Variants in MAGI2 observed in about 807,000 individuals in gnomAD.
MAGI2 encodes membrane-associated guanylate kinase, WW and PDZ domain-containing protein 2.
In MAGI2, 35 loss-of-function variants were observed where a neutral mutation model predicts 133.3. That is an observed-to-expected ratio of 0.26 (90% CI 0.20 to 0.35). MAGI2 has a LOEUF of 0.35. Among genes scored for constraint, MAGI2 ranks in the 10% least tolerant of loss-of-function variants. The pLI is 1.00. For synonymous variants in MAGI2, 729 were observed against 710.6 expected (o/e 1.03, Z -0.41); for missense variants, 1,636 against 1,863.4 (o/e 0.88, Z 2.25).
chr7:79,255,340 G>C (rs907692706), intron 1 of MAGI2, among the ~76,000 whole-genome samples: 2 of 152,176 alleles, frequency 1.3e-5, no homozygotes, highest in Non-Finnish European at 2.9e-5. Flanking sequence ...CATGGGAGTT[G>C]TCAGCTAGAG....
At chr7:79,316,270 C>T (rs999826136) in intron 1 of MAGI2, among the ~76,000 whole-genome samples, 11 of 151,994 alleles carry the variant, frequency 7.2e-5, no homozygotes, top group African/African-American at 2.7e-4. Context: ...CACCACCACC[C>T]CCCCACTCCA....
chr7:78,923,269 A>G (rs917016625), intron 2 of MAGI2, among the ~76,000 whole-genome samples: 21 of 152,302 alleles, frequency 1.4e-4, no homozygotes, highest in Non-Finnish European at 2.5e-4. Flanking sequence ...GTCCTTGCCC[A>G]TGCCCATGTC....
intron 2 of MAGI2, among the ~76,000 whole-genome samples, chr7:78,954,345 C>G (rs1478344167): frequency 6.6e-6 from 1 of 151,028 alleles, no homozygotes; most frequent in Non-Finnish European, 1.5e-5. Flanking sequence ...TTTTTTTTTC[C>G]TCTGAAGATA....
At chr7:78,482,828 T>C (rs757807812) in intron 6 of MAGI2, among the ~76,000 whole-genome samples, 2 of 151,360 alleles carry the variant, frequency 1.3e-5, no homozygotes, top group African/African-American at 4.9e-5. Context: ...TGAATTTCTA[T>C]TGTGGTCATA....
chr7:78,668,592 A>C (rs1813929794), intron 2 of MAGI2, among the ~76,000 whole-genome samples: 1 of 151,892 alleles, frequency 6.6e-6, no homozygotes, highest in Non-Finnish European at 1.5e-5. Context: ...GAAGGGATCC[A>C]GTTTCAGCTT....
intron 1 of MAGI2, among the ~76,000 whole-genome samples, chr7:79,147,397 G>A (rs1237734906): frequency 6.6e-6 from 1 of 152,132 alleles, no homozygotes; most frequent in African/African-American, 2.4e-5. Context: ...CCACCCTTGG[G>A]CCGTAGTGGA....
chr7:78,060,244 A>ACCC (rs546547396), intron 21 of MAGI2, among the ~76,000 whole-genome samples: 2 of 102,140 alleles, frequency 2.0e-5, no homozygotes, highest in African/African-American at 3.7e-5. Flanking sequence ...AACAAAAGGG[A>ACCC]CCCCCCCCCC....
chr7:78,565,290 T>C (rs1800830335), intron 3 of MAGI2, among the ~76,000 whole-genome samples: 1 of 151,762 alleles, frequency 6.6e-6, no homozygotes, highest in Non-Finnish European at 1.5e-5. Flanking sequence ...AGCGAGACCC[T>C]GTGTCAAAAA....
chr7:78,297,222 C>T (rs1425024487), intron 9 of MAGI2, among the ~76,000 whole-genome samples: 1 of 152,140 alleles, frequency 6.6e-6, no homozygotes, highest in African/African-American at 2.4e-5. Flanking sequence ...CTGACAAACA[C>T]TACACTAGCT....
At chr7:78,705,775 C>T (rs1273091057) in intron 2 of MAGI2, among the ~76,000 whole-genome samples, 1 of 152,022 alleles carries the variant, frequency 6.6e-6, no homozygotes, top group East Asian at 1.9e-4. Context: ...GGATTAACGT[C>T]CTTTTGACTT....
At chr7:78,997,069 C>A (rs1051858868) in intron 2 of MAGI2, among the ~76,000 whole-genome samples, 6 of 152,116 alleles carry the variant, frequency 3.9e-5, no homozygotes, top group African/African-American at 1.4e-4. Flanking sequence ...ATTAGCTCCC[C>A]ACATTAGTCT....
intron 1 of MAGI2, among the ~76,000 whole-genome samples, chr7:79,363,143 A>G (rs1250549165): frequency 3.3e-5 from 5 of 151,652 alleles, no homozygotes; most frequent in African/African-American, 9.7e-5. Context: ...TCACATTTCT[A>G]CATACGAACA....
intron 3 of MAGI2, chr7:78,568,336 T>A (rs1563180976): frequency 6.6e-6 from 1 of 152,038 alleles, no homozygotes; most frequent in Admixed American, 6.5e-5. Flanking sequence ...CAGATTCATG[T>A]ATCCAGCTGC....
At chr7:78,230,496 A>G (rs921151214) in intron 10 of MAGI2, among the ~76,000 whole-genome samples, 2 of 152,178 alleles carry the variant, frequency 1.3e-5, no homozygotes, top group African/African-American at 4.8e-5. Context: ...TTTTTAGAGA[A>G]TAACTTTCGT....
intron 9 of MAGI2, among the ~76,000 whole-genome samples, chr7:78,261,489 T>A (rs1793513666): frequency 6.6e-6 from 1 of 152,156 alleles, no homozygotes. Flanking sequence ...CCAAGATTTC[T>A]CTACACTATA....
At chr7:78,578,275 ATTTTT>A (rs1802476186) in intron 3 of MAGI2, among the ~76,000 whole-genome samples, 1 of 152,066 alleles carries the variant, frequency 6.6e-6, no homozygotes, top group Admixed American at 6.5e-5. Context: ...AAAGCTTTAT[ATTTTT>A]TATTTTTTTG....
intron 1 of MAGI2, among the ~76,000 whole-genome samples, chr7:79,286,152 A>G (rs566601581): frequency 1.3e-5 from 2 of 152,208 alleles, no homozygotes; most frequent in South Asian, 4.1e-4. Flanking sequence ...GGAGAAGCCA[A>G]ATAGAGGAAG....
At chr7:79,167,799 A>C (rs1382166656) in intron 1 of MAGI2, among the ~76,000 whole-genome samples, 1 of 152,108 alleles carries the variant, frequency 6.6e-6, no homozygotes, top group Non-Finnish European at 1.5e-5. Context: ...AAATCTGGCC[A>C]TAAACTGGCC....
chr7:79,156,372 C>T (rs1429417316), intron 1 of MAGI2, among the ~76,000 whole-genome samples: 1 of 152,086 alleles, frequency 6.6e-6, no homozygotes, highest in Non-Finnish European at 1.5e-5. Context: ...TCCAGGCCCT[C>T]CCAATCCTGA....
Sources: allele counts gnomAD v4.1 joint callset (sites outside exome capture counted in the v4.1 genomes callset), GRCh38; gene constraint gnomAD v4.1.1; transcripts MANE v1.5; gene names NCBI Gene and HGNC (gene_info 2026-07-23, HGNC 2026-07-21).